MGAT4C: variants seen among roughly 807,000 people sequenced by gnomAD.
The protein encoded by MGAT4C is MGAT4 family member C.
In MGAT4C, 19 loss-of-function variants were observed where a neutral mutation model predicts 40.1. That is an observed-to-expected ratio of 0.47 (90% CI 0.33 to 0.70). The LOEUF is 0.70. MGAT4C is among the 30% of genes least tolerant of loss of function. The pLI, the probability that MGAT4C is intolerant of heterozygous loss-of-function variation, is 0.02. For synonymous variants in MGAT4C, 181 were observed against 187.1 expected (o/e 0.97, Z 0.27); for missense variants, 491 against 563.2 (o/e 0.87, Z 1.30).
intron 1 of MGAT4C, among the ~76,000 whole-genome samples, chr12:86,102,016 C>G (rs764443352): frequency 1.3e-5 from 2 of 151,812 alleles, no homozygotes; most frequent in African/African-American, 2.4e-5. Flanking sequence ...AGGCTGACAA[C>G]TGGCCTAATT....
chr12:86,044,004 T>C (rs1455636403), intron 2 of MGAT4C, among the ~76,000 whole-genome samples: 2 of 152,244 alleles, frequency 1.3e-5, no homozygotes, highest in Non-Finnish European at 2.9e-5. Flanking sequence ...TGCAGGCTGA[T>C]GTTTCTTCAA....
At chr12:86,239,988 G>A (rs528328186) in intron 1 of MGAT4C, among the ~76,000 whole-genome samples, 255 of 146,948 alleles carry the variant, frequency 1.7e-3, no homozygotes, top group African/African-American at 6.2e-3. Context: ...TAACTAACCT[G>A]CACAATGTGC....
intron 1 of MGAT4C, among the ~76,000 whole-genome samples, chr12:86,830,134 C>T (rs1436169408): frequency 2.6e-5 from 4 of 151,346 alleles, no homozygotes; most frequent in Non-Finnish European, 3.0e-5. Flanking sequence ...AACTGCCTGC[C>T]CATGTTTGAG....
At chr12:86,349,789 A>G (rs986838449) in intron 3 of MGAT4C, among the ~76,000 whole-genome samples, 2 of 152,126 alleles carry the variant, frequency 1.3e-5, no homozygotes, top group African/African-American at 4.8e-5. Context: ...GACTTGCTAC[A>G]TATCTACTGT....
chr12:86,341,913 G>A (rs529211756), intron 3 of MGAT4C, among the ~76,000 whole-genome samples: 86 of 152,284 alleles, frequency 5.6e-4, no homozygotes, highest in African/African-American at 1.9e-3. Flanking sequence ...CTGTTTGGGT[G>A]ACTTAACCAT....
At chr12:86,391,271 G>A (rs1412009222) in intron 3 of MGAT4C, among the ~76,000 whole-genome samples, 4 of 152,142 alleles carry the variant, frequency 2.6e-5, no homozygotes, top group Non-Finnish European at 5.9e-5. Flanking sequence ...TAAGCACTTT[G>A]ATTTTTAGAG....
At chr12:86,553,334 C>T (rs556739006) in intron 2 of MGAT4C, among the ~76,000 whole-genome samples, 40 of 152,142 alleles carry the variant, frequency 2.6e-4, no homozygotes, top group African/African-American at 9.4e-4. Context: ...GTATAAGAGT[C>T]ATTTTTAACT....
At chr12:86,704,445 T>C (rs1390868440) in intron 2 of MGAT4C, among the ~76,000 whole-genome samples, 1 of 152,084 alleles carries the variant, frequency 6.6e-6, no homozygotes, top group Non-Finnish European at 1.5e-5. Context: ...TATAATTAAC[T>C]TTCAAGTTAT....
At chr12:86,477,191 A>G (rs1341405243) in intron 2 of MGAT4C, among the ~76,000 whole-genome samples, 1 of 152,052 alleles carries the variant, frequency 6.6e-6, no homozygotes, top group South Asian at 2.1e-4. Context: ...GTACATTGAA[A>G]AAAAAGAAAA....
At chr12:86,078,874 T>C (rs111504004) in intron 1 of MGAT4C, among the ~76,000 whole-genome samples, 2 of 152,234 alleles carry the variant, frequency 1.3e-5, no homozygotes, top group African/African-American at 2.4e-5. Context: ...AGCACTCTCA[T>C]GGGATACAAA....
At chr12:86,769,814 G>A (rs1360835136) in intron 1 of MGAT4C, among the ~76,000 whole-genome samples, 2 of 152,032 alleles carry the variant, frequency 1.3e-5, no homozygotes, top group African/African-American at 4.8e-5. Flanking sequence ...GAACTGAACA[G>A]TGAGAACACA....
chr12:86,126,007 A>C (rs532054621), intron 1 of MGAT4C, among the ~76,000 whole-genome samples: 1 of 152,130 alleles, frequency 6.6e-6, no homozygotes, highest in African/African-American at 2.4e-5. Context: ...TATGTAACAC[A>C]CAAGATTGAA....
chr12:86,194,357 A>G (rs1397586969), intron 1 of MGAT4C, among the ~76,000 whole-genome samples: 1 of 152,182 alleles, frequency 6.6e-6, no homozygotes, highest in Non-Finnish European at 1.5e-5. Flanking sequence ...ACAGTGTATG[A>G]AAAGTTAGAA....
chr12:86,804,175 C>T (rs995838786), intron 1 of MGAT4C, among the ~76,000 whole-genome samples: 4 of 149,592 alleles, frequency 2.7e-5, no homozygotes, highest in Non-Finnish European at 5.9e-5. Context: ...AACAAAAAAC[C>T]AAACACTGCA....
chr12:86,566,890 T>C (rs146108648), intron 2 of MGAT4C, among the ~76,000 whole-genome samples: 1 of 151,712 alleles, frequency 6.6e-6, no homozygotes, highest in East Asian at 2.0e-4. Context: ...TCCTCCATCA[T>C]GGTATTTCAC....
chr12:86,726,926 T>A (rs898396388), intron 2 of MGAT4C, among the ~76,000 whole-genome samples: 1 of 152,156 alleles, frequency 6.6e-6, no homozygotes, highest in African/African-American at 2.4e-5. Context: ...CTTAAAAGTA[T>A]ATTTTCCATT....
chr12:85,974,615 C>A lies in MGAT4C; in HGVS notation c.*4674G>T, dbSNP rs1169238924. 4.0e-5 allele frequency: 6 copies of A among 150,340 alleles called. No homozygotes were observed. The highest frequency in any genetic ancestry group is 6.0e-5 in the Non-Finnish European group (4 of 66,842). 9.3% of individuals were successfully genotyped at this position (150,340 alleles called of 1,614,324 possible). On this transcript the variant is annotated 3_prime_UTR_variant, in exon 5 of 5. Transcript: ENST00000611864. The stretch of plus-strand genomic sequence containing the variant: ...ACATGCACATATGCAATAATGAAAT[C>A]ATTTCAAAGCATGCCAAAAAGTAAT...
In MGAT4C at chr12:86,444,752, C is replaced by T. The variant is rs566377682; in HGVS notation, c.-228-9487G>A. On this transcript the variant is annotated intron_variant, in intron 2 of 7. Transcript: ENST00000548651. The stretch of plus-strand genomic sequence containing the variant: ...TACCATAGTAACTATTTCTGAGGTA[C>T]GGTTCTGTAGTATTAAGTATATTCA... Among the ~76,000 whole-genome samples the T allele has an allele frequency of 5.9e-5, 9 of 152,248 alleles. No homozygotes were observed. The South Asian group carries it at 1.7e-3, about 28-fold the overall frequency.
At chr12:86,795,042 T>C (rs1952089604) in intron 1 of MGAT4C, among the ~76,000 whole-genome samples, 2 of 151,984 alleles carry the variant, frequency 1.3e-5, no homozygotes, top group African/African-American at 4.8e-5. Flanking sequence ...TAATGTTCAA[T>C]TTTAAAACTA....
Sources: allele counts gnomAD v4.1 joint callset (sites outside exome capture counted in the v4.1 genomes callset), GRCh38; gene constraint gnomAD v4.1.1; transcripts MANE v1.5; gene names NCBI Gene and HGNC (gene_info 2026-07-23, HGNC 2026-07-21).